AMOT: variants seen among roughly 807,000 people sequenced by gnomAD.
AMOT encodes angiomotin.
Under a neutral mutation model 67.0 loss-of-function variants are expected in AMOT, and 11 were observed. The ratio of observed to expected loss-of-function variants is 0.16; its 90% CI spans 0.10 to 0.27. AMOT has a LOEUF of 0.27. Ranked by LOEUF, AMOT falls within the 10% of genes least tolerant of loss-of-function variation. The pLI, the probability that AMOT is intolerant of heterozygous loss-of-function variation, is 1.00. For synonymous variants in AMOT, 326 were observed against 321.4 expected (o/e 1.01, Z -0.15); for missense variants, 753 against 852.0 (o/e 0.88, Z 1.45).
chrX:112,780,839 C>T, intron 12 of AMOT, 47 bp downstream of exon 12: 6 of 1,149,147 alleles, frequency 5.2e-6, no homozygotes, highest in East Asian at 3.0e-5. Flanking sequence ...TATCTCAGGG[C>T]TCTCTTTGAA....
intron 1 of AMOT, among the ~76,000 whole-genome samples, chrX:112,833,687 A>C (rs1209376041): frequency 8.9e-6 from 1 of 112,282 alleles, no homozygotes; most frequent in East Asian, 2.8e-4. Flanking sequence ...AATTCAAATA[A>C]GCTTTGGTTT....
intron 4 of AMOT, chrX:112,819,514 T>C (rs1015627722): frequency 3.2e-5 from 14 of 434,993 alleles, no homozygotes; most frequent in Non-Finnish European, 3.7e-5. Context: ...ATTTCAACAA[T>C]TGAAAGGAGG....
In AMOT at chrX:112,777,974, G is replaced by A. The variant is rs1355172015; in HGVS notation, c.*593C>T. On this transcript the variant is annotated 3_prime_UTR_variant, in exon 14 of 14. Transcript: ENST00000371959. ...AAATGAAGACAAACACAATTCCCTG[G>A]GGCAGGGTAGCTGGGAAACTGGAAG... 1.8e-5 allele frequency: 2 copies of A among 112,122 alleles called. No individual in the cohort carries two copies. Among genetic ancestry groups the A allele is most frequent in the Non-Finnish European group, 3.8e-5 (2 of 53,188 alleles). The allele number at this position is 112,122 out of a possible 1,213,427, so 9.2% of individuals were successfully genotyped here. A position where few individuals can be genotyped will look rare whatever the true frequency, so the allele number is the denominator to read the frequency against.
intron 1 of AMOT, among the ~76,000 whole-genome samples, chrX:112,832,676 G>T (rs1935021724): frequency 8.9e-6 from 1 of 112,201 alleles, no homozygotes; most frequent in Admixed American, 9.4e-5. Flanking sequence ...GCATCTAAAA[G>T]AAAGTAATCT....
intron 1 of AMOT, 131 bp from the exon 2 acceptor site, chrX:112,832,501 A>G (rs1935016413): frequency 8.9e-6 from 1 of 111,856 alleles, no homozygotes; most frequent in Admixed American, 9.5e-5. Flanking sequence ...TAGGGCCAGC[A>G]TTGGAACCCA....
chrX:112,825,929 C>A (rs1209107544), intron 2 of AMOT, among the ~76,000 whole-genome samples: 1 of 108,786 alleles, frequency 9.2e-6, no homozygotes, highest in Non-Finnish European at 1.9e-5. Context: ...CCCTTCCCAA[C>A]ACAGAGCGCA....
chrX:112,784,730 G>A (rs1353545309), intron 10 of AMOT, among the ~76,000 whole-genome samples: 1 of 112,504 alleles, frequency 8.9e-6, no homozygotes, highest in Non-Finnish European at 1.9e-5. Context: ...CCAGCTCTTG[G>A]TAAAATCCTG....
chrX:112,788,463 C>T (rs1933454932), intron 10 of AMOT, among the ~76,000 whole-genome samples: 1 of 111,404 alleles, frequency 9.0e-6, no homozygotes, highest in African/African-American at 3.3e-5. Flanking sequence ...GAAGAGCCCA[C>T]AGGTTTTAAA....
In AMOT at chrX:112,815,554, GGCT is replaced by G. The variant is rs760173032; in HGVS notation, c.1193_1195del (p.Gln398del). The G allele has an allele frequency of 2.5e-6, 3 of 1,210,644 alleles. No individual in the cohort carries two copies. The highest frequency in any genetic ancestry group is 3.4e-6 in the Non-Finnish European group (3 of 894,749). On this transcript the variant is annotated inframe_deletion, in exon 5 of 14. Coordinates refer to ENST00000371959, the MANE Select transcript of AMOT (RefSeq NM_001113490.2). ...ATAGGCTTCTCCTGGCTGCTGCTGT[GGCT>G]GCTGCTGCTGCTGTTGTTGGTGGTG...
chrX:112,804,599 T>A (rs775380158), intron 8 of AMOT, among the ~76,000 whole-genome samples: 6 of 111,810 alleles, frequency 5.4e-5, no homozygotes, highest in Non-Finnish European at 1.1e-4. Flanking sequence ...TATCTATACA[T>A]CTATGTCCAT....
intron 5 of AMOT, among the ~76,000 whole-genome samples, chrX:112,813,001 C>T (rs1444776966): frequency 6.2e-5 from 7 of 112,754 alleles, no homozygotes; most frequent in African/African-American, 1.3e-4. Flanking sequence ...GCAAGGCCTG[C>T]GCCTGATGAA....
intron 3 of AMOT, 93 bp from the exon 4 acceptor site, chrX:112,823,281 G>A (rs1934760563): frequency 1.9e-6 from 1 of 532,499 alleles, no homozygotes; most frequent in East Asian, 3.7e-5. Context: ...GTGAGGATTC[G>A]ATTGCAGAAA....
In AMOT at chrX:112,822,675, C is replaced by T. The variant is rs763801138; in HGVS notation, c.452G>A (p.Arg151Gln). Residue 151 changes from arginine (R) to glutamine (Q), a missense_variant, in exon 4 of 14, where the codon CGG (arginine) becomes CAG (glutamine). Arg to Gln is a conservative substitution (Grantham distance 43). Transcript: ENST00000371959. ...MRTEGRPSVQ[R>Q]LNPGKMHQDE... ...TTGGTGCATCTTTCCAGGATTGAGC[C>T]GCTGAACTGATGGGCGTCCCTCAGT... 3.2e-5 allele frequency: 37 copies of T among 1,164,231 alleles called. No individual in the cohort carries two copies. In the Middle Eastern group the frequency reaches 3.0e-3, roughly 95 times the overall value.
Position 112,823,157 on chromosome X carries a change from G to A in AMOT, c.-31C>T. The A allele has an allele frequency of 8.9e-7, 1 of 1,127,998 alleles. No homozygotes were observed. The highest frequency in any genetic ancestry group is 1.8e-5 in the African/African-American group (1 of 55,239). 93.0% of individuals were successfully genotyped at this position (1,127,998 alleles called of 1,213,427 possible). On this transcript the variant is annotated 5_prime_UTR_variant, in exon 4 of 14. Transcript: ENST00000371959. Reference sequence around the variant, plus strand: ...TTGCTGGTGGTGCCTTGTGAAGAGAGAGAGAAATTGGGCACCTGGGCTGCC... The same window carrying A: ...TTGCTGGTGGTGCCTTGTGAAGAGAAAGAGAAATTGGGCACCTGGGCTGCC...
chrX:112,794,278 G>T (rs754424787), intron 8 of AMOT, among the ~76,000 whole-genome samples: 2 of 111,639 alleles, frequency 1.8e-5, no homozygotes, highest in Admixed American at 9.6e-5. Flanking sequence ...TCTCTGGAAG[G>T]GAAATGCAAT....
intron 4 of AMOT, among the ~76,000 whole-genome samples, chrX:112,821,967 G>A (rs1437771846): frequency 8.9e-6 from 1 of 112,452 alleles, no homozygotes; most frequent in Admixed American, 9.4e-5. Flanking sequence ...TCCTAGGAGA[G>A]AGGACAGCAA....
At chrX:112,794,338 G>A in intron 8 of AMOT, among the ~76,000 whole-genome samples, 1 of 111,960 alleles carries the variant, frequency 8.9e-6, no homozygotes, top group Non-Finnish European at 1.9e-5. Context: ...ATGCAGGTCA[G>A]ATAAATTCCA....
chrX:112,812,682 T>C (rs1934408373), intron 5 of AMOT, among the ~76,000 whole-genome samples: 2 of 112,168 alleles, frequency 1.8e-5, no homozygotes, highest in African/African-American at 6.5e-5. Context: ...TCAGATTAAA[T>C]TGGACTCTGC....
At chrX:112,818,306 C>A (rs1344774445) in intron 4 of AMOT, among the ~76,000 whole-genome samples, 1 of 110,876 alleles carries the variant, frequency 9.0e-6, no homozygotes, top group South Asian at 3.9e-4. Context: ...GACTGAAAGG[C>A]CCCTGCATTC....
Sources: gnomAD v4.1 joint callset for allele counts (sites outside exome capture counted in the v4.1 genomes callset) on GRCh38, gnomAD v4.1.1 for gene constraint, MANE v1.5 for transcripts, NCBI Gene and HGNC (gene_info 2026-07-23, HGNC 2026-07-21) for gene names.